Variants in SUGP2 observed in about 807,000 individuals in gnomAD.
SUGP2 encodes SURP and G-patch domain-containing protein 2.
SUGP2 carries 24 observed loss-of-function variants against 90.5 expected under a neutral mutation model. That is an observed-to-expected ratio of 0.27 (90% CI 0.19 to 0.37). The LOEUF (loss-of-function observed/expected upper bound fraction) is 0.37, where lower values mean the gene tolerates loss of function less well. SUGP2 is among the 10% of genes least tolerant of loss of function. The probability of loss-of-function intolerance (pLI) is 1.00; values close to 1 mark genes in which losing one functional copy is unlikely to be tolerated. For synonymous variants in SUGP2, 473 were observed against 513.4 expected (o/e 0.92, Z 1.06); for missense variants, 1,233 against 1,363.3 (o/e 0.90, Z 1.51).
chr19:19,010,697 G>A (rs2058276740), intron 4 of SUGP2, among the ~76,000 whole-genome samples: 1 of 152,208 alleles, frequency 6.6e-6, no homozygotes, highest in Admixed American at 6.5e-5. Flanking sequence ...CAGGATGAGT[G>A]CTCGGTGAGC....
At chr19:19,006,700 C>A (rs548609101) in intron 6 of SUGP2, among the ~76,000 whole-genome samples, 1 of 152,192 alleles carries the variant, frequency 6.6e-6, no homozygotes, top group Admixed American at 6.5e-5. Context: ...TGGACAGGTC[C>A]GACCCCGAGG....
At chr19:19,029,447 T>C (rs939911702) in intron 2 of SUGP2, among the ~76,000 whole-genome samples, 2 of 147,158 alleles carry the variant, frequency 1.4e-5, no homozygotes, top group Non-Finnish European at 3.0e-5. Flanking sequence ...TTTTTTCTTT[T>C]TTTTTTTTTG....
At position 19,019,188 on chromosome 19, in the gene SUGP2, C is replaced by T. The variant is rs368135990; in HGVS notation, c.1771G>A (p.Asp591Asn). 39 of 1,613,962 alleles carry T rather than the reference C, an allele frequency of 2.4e-5. No homozygotes were observed. The highest frequency in any genetic ancestry group is 4.0e-5 in the African/African-American group (3 of 74,932). Residue 591 changes from aspartate to asparagine, a missense_variant, in exon 4 of 11, where the codon GAC becomes AAC. Transcript: ENST00000452918. ...TCGATGACACGTTTCACAAGCTGGT[C>T]GATGGTGCCCACTACCCTGTGATCT... Reference protein sequence around the residue: ...RADHRVVGTIDQLVKRVIEGS... With the variant: ...RADHRVVGTINQLVKRVIEGS...
rs895582440 is a variant in SUGP2 at position 19,026,046 on chromosome 19, C to T, written c.302G>A (p.Ser101Asn). The change falls in exon 3 of 11, where the codon AGC (serine) becomes AAC (asparagine). Residue 101 changes from serine to asparagine, a missense_variant. Ser to Asn is a conservative substitution (Grantham distance 46). Coordinates refer to ENST00000452918, the MANE Select transcript of SUGP2 (RefSeq NM_001017392.5). ...CCGGCCACATTCTTTGCGAAAGTAG[C>T]TGTCATCACTGATGGAAGGGTTGCT... ...RSSNPSISDDSYFRKECGRDL... is the reference protein window; with the variant it reads ...RSSNPSISDDNYFRKECGRDL... The T allele has an allele frequency of 2.5e-6, 4 of 1,614,082 alleles. No individual in the cohort carries two copies. The highest frequency in any genetic ancestry group is 1.3e-5 in the African/African-American group (1 of 75,014).
chr19:19,025,393 T>C lies in SUGP2; in HGVS notation c.955A>G (p.Ile319Val), dbSNP rs753112571. ...LPRRKMSFDI[I>V]DKSDVFSRFG... ...CTTGAAAAAACATCAGACTTATCTA[T>C]GATGTCAAAGCTCATCTTTCTTCTG... Residue 319 changes from isoleucine to valine, a missense_variant, in exon 3 of 11, where the codon ATA (isoleucine) becomes GTA (valine). By Grantham distance (29) the Ile-to-Val change is conservative. Coordinates refer to ENST00000452918, the MANE Select transcript of SUGP2 (RefSeq NM_001017392.5). The C allele has an allele frequency of 1.8e-5, 29 of 1,614,060 alleles. 1 individual carries two copies. The South Asian group carries it at 3.0e-4, about 16-fold the overall frequency.
In SUGP2 at chr19:19,024,766, T is replaced by C. The variant is rs376946987; in HGVS notation, c.1582A>G (p.Ile528Val). ...EDSTLFGREY[I>V]DHLKAWLVSS... ...ACTAGCCAGGCCTTCAGGTGGTCTA[T>C]GTACTCTCGCCCAAACAAAGTGGAG... is the stretch of plus-strand genomic sequence containing the variant. Residue 528 changes from isoleucine (I) to valine (V), a missense_variant, in exon 3 of 11, where the codon ATA becomes GTA. Around this residue, in one of 8 missense-constraint regions of SUGP2, gnomAD observed 540 missense variants for 542.6 expected, o/e 1.00. Coordinates refer to ENST00000452918, the MANE Select transcript of SUGP2 (RefSeq NM_001017392.5). 5.1e-5 allele frequency: 82 copies of C among 1,614,182 alleles called. No homozygotes were observed. The African/African-American group carries it at 8.0e-4, about 16-fold the overall frequency.
Position 19,001,632 on chromosome 19 carries a change from C to T in SUGP2, c.2972G>A (p.Arg991His), listed in dbSNP as rs752897249. 4.3e-5 allele frequency: 70 copies of T among 1,614,022 alleles called. 1 individual carries two copies. The highest frequency in any genetic ancestry group is 3.3e-4 in the Middle Eastern group (2 of 6,084). Residue 991 changes from arginine (R) to histidine (H), a missense_variant, in exon 8 of 11, where the codon CGT (arginine) becomes CAT (histidine). By Grantham distance (29) the Arg-to-His change is conservative (BLOSUM62 0). Around this residue, in one of 8 missense-constraint regions of SUGP2, gnomAD observed 105 missense variants for 155.2 expected, o/e 0.68. Coordinates refer to ENST00000452918, the MANE Select transcript of SUGP2 (RefSeq NM_001017392.5). ...VRIAYDRPRG[R>H]PMSKKKKPKD... ...GCTCACCTTCTTTTTGGACATGGGACGACCCCGAGGCCTGTCATAGGCAAT... is the reference window on the plus strand; with the variant it reads ...GCTCACCTTCTTTTTGGACATGGGATGACCCCGAGGCCTGTCATAGGCAAT...
chr19:19,031,533 C>CAA (rs912857757), intron 1 of SUGP2, among the ~76,000 whole-genome samples: 8 of 71,898 alleles, frequency 1.1e-4, no homozygotes, highest in Non-Finnish European at 1.5e-4. Flanking sequence ...GACTCCGTCT[C>CAA]AAAAAAAAAA....
rs1409649952 is a variant in SUGP2, at chr19:19,025,829, A to G, written c.519T>C (p.Phe173=). The change falls in exon 3 of 11, where the codon TTT becomes TTC. Residue 173 remains phenylalanine, a synonymous_variant. Coordinates refer to ENST00000452918, the MANE Select transcript of SUGP2 (RefSeq NM_001017392.5). ...CTTTCTCAATCAGCCTGGAAGATCC[A>G]AAGTCCCCCAAAACTGCAGAGGGAC... ...SFGPSAVLGD[F]GSSRLIEKEC... is the part of the protein sequence containing the mutation. The G allele has an allele frequency of 6.2e-7, 1 of 1,614,118 alleles. No homozygotes were observed. The highest frequency in any genetic ancestry group is 8.5e-7 in the Non-Finnish European group (1 of 1,180,026).
intron 8 of SUGP2, 21 bp from the exon 9 acceptor site, chr19:18,995,301 A>T: frequency 6.3e-7 from 1 of 1,581,566 alleles, no homozygotes. Flanking sequence ...AGGAGAGTCC[A>T]GGCATGTGGG....
intron 8 of SUGP2, among the ~76,000 whole-genome samples, chr19:18,997,698 C>T (rs543724208): frequency 4.1e-4 from 62 of 150,566 alleles, no homozygotes; most frequent in African/African-American, 1.5e-3. Context: ...CAGGAGAATC[C>T]CTTGAACCTG....
At chr19:19,030,856 G>A in intron 2 of SUGP2, 95 bp downstream of exon 2, 1 of 1,340,674 alleles carries the variant, frequency 7.5e-7, no homozygotes, top group Non-Finnish European at 1.0e-6. Context: ...TCAGAGGACT[G>A]GTATTATTTG....
At position 19,007,078 on chromosome 19, in the gene SUGP2, C is replaced by T. The variant is rs190537795; in HGVS notation, c.2450+1239G>A. ...TGGCTCAGTAATGGGAAGATGGGTG[C>T]CTCCTACCGGCAGCCTTTCTCTGGA... On this transcript the variant is annotated intron_variant, in intron 6 of 10. Coordinates refer to ENST00000452918, the MANE Select transcript of SUGP2 (RefSeq NM_001017392.5). Among the ~76,000 whole-genome samples the T allele has an allele frequency of 2.8e-3, 419 of 152,324 alleles. 2 individuals carry two copies. The highest frequency in any genetic ancestry group is 9.6e-3 in the African/African-American group (397 of 41,564).
intron 5 of SUGP2, among the ~76,000 whole-genome samples, chr19:19,009,398 G>C (rs1308101329): frequency 6.6e-6 from 1 of 152,224 alleles, no homozygotes; most frequent in Non-Finnish European, 1.5e-5. Context: ...AACAGAAGGG[G>C]TGAAGTTAGT....
Position 19,033,494 on chromosome 19 carries a change from G to T in SUGP2, c.-69C>A. On this transcript the variant is annotated 5_prime_UTR_variant, in exon 1 of 11. Coordinates refer to ENST00000452918, the MANE Select transcript of SUGP2 (RefSeq NM_001017392.5). ...CGCCGCCTCAGGCTCCTCACCCGCC[G>T]CCGCCGCCGCGCGAGGCGGGGACAT... is the stretch of plus-strand genomic sequence containing the variant. 7.1e-7 allele frequency: 1 copy of T among 1,405,610 alleles called. No homozygotes were observed. The highest frequency in any genetic ancestry group is 1.5e-5 in the African/African-American group (1 of 65,846). 87.1% of individuals were successfully genotyped at this position (1,405,610 alleles called of 1,614,324 possible).
intron 2 of SUGP2, among the ~76,000 whole-genome samples, chr19:19,029,425 C>A (rs758114700): frequency 8.9e-5 from 13 of 145,982 alleles, no homozygotes; most frequent in Non-Finnish European, 1.5e-4. Context: ...TGAGCCACTG[C>A]GCCCGGCCAT....
At position 19,013,749 on chromosome 19, in the gene SUGP2, C is replaced by T. The variant is rs138860786; in HGVS notation, c.1851-3407G>A. Reference sequence around the variant, plus strand: ...ACTTGTTTTCCTGAGTGTGTGAACACGTAGGACCTGGTGGGCTCTCCCTGG... The same window carrying T: ...ACTTGTTTTCCTGAGTGTGTGAACATGTAGGACCTGGTGGGCTCTCCCTGG... On this transcript the variant is annotated intron_variant, in intron 4 of 10. Coordinates refer to ENST00000452918, the MANE Select transcript of SUGP2 (RefSeq NM_001017392.5). 5.3e-5 allele frequency among the ~76,000 whole-genome samples: 8 copies of T among 152,342 alleles called. No homozygotes were observed. The East Asian group carries it at 1.2e-3, about 22-fold the overall frequency.
Position 19,025,433 on chromosome 19 carries a change from C to G in SUGP2, c.915G>C (p.Lys305Asn). ...IQKIPLGLDLKNLRLPRRKMS... is the reference protein window; with the variant it reads ...IQKIPLGLDLNNLRLPRRKMS... ...TCTTTCTTCTGGGGAGCCGAAGATTCTTCAGATCCAGCCCCAGAGGGATCT... is the reference window on the plus strand; with the variant it reads ...TCTTTCTTCTGGGGAGCCGAAGATTGTTCAGATCCAGCCCCAGAGGGATCT... Residue 305 changes from lysine to asparagine, a missense_variant, in exon 3 of 11, where the codon AAG (lysine) becomes AAC (asparagine). Around this residue, in one of 8 missense-constraint regions of SUGP2, gnomAD observed 418 missense variants for 399.9 expected, o/e 1.05. Coordinates refer to ENST00000452918, the MANE Select transcript of SUGP2 (RefSeq NM_001017392.5). 1 of 1,614,198 alleles carries G rather than the reference C, an allele frequency of 6.2e-7. No individual in the cohort carries two copies. Among genetic ancestry groups the G allele is most frequent in the Non-Finnish European group, 8.5e-7 (1 of 1,180,036 alleles).
At chr19:19,030,546 C>T (rs2059113980) in intron 2 of SUGP2, among the ~76,000 whole-genome samples, 2 of 152,012 alleles carry the variant, frequency 1.3e-5, no homozygotes, top group African/African-American at 2.4e-5. Context: ...AAACAATAAA[C>T]AAAACTGTCT....
Sources: gnomAD v4.1 joint callset for allele counts (sites outside exome capture counted in the v4.1 genomes callset) on GRCh38, gnomAD v4.1.1 for gene constraint, gnomAD v4.1.1 regional missense constraint, MANE v1.5 for transcripts, NCBI Gene and HGNC (gene_info 2026-07-23, HGNC 2026-07-21) for gene names.